Variants in ASIC2 observed in about 807,000 individuals in gnomAD.
ASIC2 encodes the protein acid sensing ion channel subunit 2.
In ASIC2, 25 loss-of-function variants were observed where a neutral mutation model predicts 57.3. The ratio of observed to expected loss-of-function variants is 0.44; its 90% CI spans 0.32 to 0.61. The LOEUF is 0.61. Ranked by LOEUF, ASIC2 falls within the 20% of genes least tolerant of loss-of-function variation. The pLI is 0.06. For synonymous variants in ASIC2, 319 were observed against 307.5 expected, an observed-to-expected ratio of 1.04 and a Z score of -0.39; for missense variants, 641 against 738.1, an observed-to-expected ratio of 0.87 and a Z score of 1.52.
intron 1 of ASIC2, among the ~76,000 whole-genome samples, chr17:33,417,039 G>A (rs994823113): frequency 1.3e-5 from 2 of 152,134 alleles, no homozygotes; most frequent in Non-Finnish European, 2.9e-5. Context: ...AAAGGTTCCA[G>A]TCCTCCTCTA....
At chr17:33,699,370 C>T (rs928053141) in intron 1 of ASIC2, among the ~76,000 whole-genome samples, 7 of 152,166 alleles carry the variant, frequency 4.6e-5, no homozygotes, top group African/African-American at 1.7e-4. Flanking sequence ...GTCTCCTTCC[C>T]CACTACTAAC....
intron 1 of ASIC2, among the ~76,000 whole-genome samples, chr17:33,517,623 A>T (rs1914613428): frequency 6.8e-6 from 1 of 146,010 alleles, no homozygotes; most frequent in African/African-American, 2.5e-5. Flanking sequence ...CAAGTGAGAG[A>T]GCACTCAAGC....
At chr17:33,213,242 G>T (rs1412726235) in intron 1 of ASIC2, among the ~76,000 whole-genome samples, 1 of 152,186 alleles carries the variant, frequency 6.6e-6, no homozygotes, top group Non-Finnish European at 1.5e-5. Context: ...CAGGAGGTGG[G>T]CATAGACTGG....
chr17:33,691,612 T>C (rs1908370032), intron 1 of ASIC2, among the ~76,000 whole-genome samples: 1 of 152,224 alleles, frequency 6.6e-6, no homozygotes, highest in Admixed American at 6.5e-5. Flanking sequence ...ATTAAAGTGA[T>C]TGTGCCTTTG....
At chr17:33,575,725 C>T (rs1485065994) in intron 1 of ASIC2, among the ~76,000 whole-genome samples, 4 of 152,152 alleles carry the variant, frequency 2.6e-5, no homozygotes, top group Non-Finnish European at 5.9e-5. Context: ...TCCATGAAAA[C>T]TGTATTTGAA....
chr17:33,632,988 A>T (rs1432676149), intron 1 of ASIC2, among the ~76,000 whole-genome samples: 1 of 152,192 alleles, frequency 6.6e-6, no homozygotes, highest in Non-Finnish European at 1.5e-5. Context: ...GAGGAAGAAG[A>T]CCCAGAAGCT....
chr17:33,753,574 T>A (rs1048534383), intron 1 of ASIC2, among the ~76,000 whole-genome samples: 2 of 152,184 alleles, frequency 1.3e-5, no homozygotes, highest in Non-Finnish European at 2.9e-5. Context: ...CACAGCAGCT[T>A]CAGAGAGACT....
chr17:33,056,447 C>T (rs2141934050), intron 3 of ASIC2, among the ~76,000 whole-genome samples: 1 of 152,268 alleles, frequency 6.6e-6, no homozygotes, highest in African/African-American at 2.4e-5. Flanking sequence ...CCTTCCCAGC[C>T]ACCCCCCTCC....
Position 33,665,176 on chromosome 17 carries a change from C to T in ASIC2, c.555+490802G>A, listed in dbSNP as rs146396587. 3.6e-3 allele frequency among the ~76,000 whole-genome samples: 545 copies of T among 152,176 alleles called. 6 individuals carry two copies. Among genetic ancestry groups the T allele is most frequent in the African/African-American group, 0.012 (513 of 41,518 alleles). On this transcript the variant is annotated intron_variant, in intron 1 of 9. Coordinates refer to the ASIC2 transcript ENST00000359872. The stretch of plus-strand genomic sequence containing the variant: ...CATTTTAAGGAGATACTGTTTATTT[C>T]CTCTCTTCCTCATTGTTTGAAAGTT...
chr17:33,310,212 C>T (rs1906352447), intron 1 of ASIC2, among the ~76,000 whole-genome samples: 1 of 151,686 alleles, frequency 6.6e-6, no homozygotes. Flanking sequence ...GACATTTATG[C>T]TTGGGGGCAG....
intron 1 of ASIC2, among the ~76,000 whole-genome samples, chr17:33,817,778 C>T (rs1038551969): frequency 2.0e-5 from 3 of 152,274 alleles, no homozygotes; most frequent in African/African-American, 4.8e-5. Context: ...TTGGGCAGGG[C>T]TCAGCAGGGA....
In ASIC2 at chr17:33,878,634, G is replaced by A. The variant is rs369504041; in HGVS notation, c.555+277344C>T. On this transcript the variant is annotated intron_variant, in intron 1 of 9. Transcript: ENST00000359872. ...AAAAGACCAAATCTATGTCTGACTG[G>A]TGTACCTGAAAGTGATGGGGAGAAT... is the stretch of plus-strand genomic sequence containing the variant. Among the ~76,000 whole-genome samples the A allele has an allele frequency of 1.2e-4, 18 of 152,340 alleles. No individual in the cohort carries two copies. In the East Asian group the frequency reaches 2.1e-3, roughly 18 times the overall value.
intron 1 of ASIC2, among the ~76,000 whole-genome samples, chr17:33,544,554 C>T (rs1159631417): frequency 6.6e-6 from 1 of 152,128 alleles, no homozygotes; most frequent in African/African-American, 2.4e-5. Flanking sequence ...ATGTTAGACT[C>T]AACATCTACC....
At chr17:33,773,389 A>C (rs970422391) in intron 1 of ASIC2, among the ~76,000 whole-genome samples, 2 of 152,156 alleles carry the variant, frequency 1.3e-5, no homozygotes, top group Admixed American at 6.5e-5. Context: ...ACTGCTGCTC[A>C]ACTGAGCAGA....
At chr17:33,615,357 T>A (rs1362551957) in intron 1 of ASIC2, among the ~76,000 whole-genome samples, 4 of 152,224 alleles carry the variant, frequency 2.6e-5, no homozygotes, top group Admixed American at 2.6e-4. Context: ...AAAAAATCTA[T>A]TAAGTCCCCT....
At chr17:33,960,600 T>G (rs1401393240) in intron 1 of ASIC2, among the ~76,000 whole-genome samples, 1 of 152,192 alleles carries the variant, frequency 6.6e-6, no homozygotes, top group African/African-American at 2.4e-5. Context: ...AGGACCTTGC[T>G]GATCTCTGGC....
intron 3 of ASIC2, among the ~76,000 whole-genome samples, chr17:33,047,341 A>C (rs1179013719): frequency 2.0e-5 from 3 of 150,908 alleles, no homozygotes; most frequent in Non-Finnish European, 4.4e-5. Context: ...CCCTCCCCCC[A>C]CTTTTTGTTT....
At chr17:33,613,434 G>C (rs894715810) in intron 1 of ASIC2, among the ~76,000 whole-genome samples, 1 of 147,748 alleles carries the variant, frequency 6.8e-6, no homozygotes, top group South Asian at 2.1e-4. Context: ...TTGCGATCTC[G>C]GCTCACTGCA....
chr17:34,031,706 G>A (rs1037835338), intron 1 of ASIC2, among the ~76,000 whole-genome samples: 3 of 152,328 alleles, frequency 2.0e-5, no homozygotes, highest in South Asian at 2.1e-4. Flanking sequence ...CGAGAGCTAC[G>A]TGACGAATGC....
Sources: gnomAD v4.1 joint callset for allele counts (sites outside exome capture counted in the v4.1 genomes callset) on GRCh38, gnomAD v4.1.1 for gene constraint, MANE v1.5 for transcripts, NCBI Gene and HGNC (gene_info 2026-07-23, HGNC 2026-07-21) for gene names.